Variants in RIMS2 observed in about 807,000 individuals in gnomAD.
RIMS2 encodes regulating synaptic membrane exocytosis 2.
A neutral mutation model predicts 174.4 loss-of-function variants in RIMS2; 59 were observed. The ratio of observed to expected loss-of-function variants is 0.34; its 90% confidence interval spans 0.27 to 0.42. RIMS2 has a LOEUF of 0.42. Ranked by LOEUF, RIMS2 falls within the 10% of genes least tolerant of loss-of-function variation. The pLI is 1.00. For synonymous variants in RIMS2, 606 were observed against 572.5 expected (o/e 1.06, Z -0.84); for missense variants, 1,620 against 1,666.3 (o/e 0.97, Z 0.48).
intron 3 of RIMS2, chr8:103,819,490 G>GAA: frequency 6.3e-7 from 1 of 1,598,048 alleles, no homozygotes; most frequent in Non-Finnish European, 8.5e-7. Context: ...AAGAGAAGGG[G>GAA]AAAAAAAAAG....
intron 19 of RIMS2, among the ~76,000 whole-genome samples, chr8:104,242,777 T>C (rs562101734): frequency 3.3e-5 from 5 of 152,248 alleles, no homozygotes; most frequent in Non-Finnish European, 7.3e-5. Flanking sequence ...TGACAAGTGA[T>C]GCTTTGTATT....
chr8:103,744,643 G>A (rs1490802168), intron 2 of RIMS2, among the ~76,000 whole-genome samples: 2 of 152,138 alleles, frequency 1.3e-5, no homozygotes, highest in African/African-American at 4.8e-5. Context: ...CATAACAATT[G>A]CATCCTGTGC....
intron 16 of RIMS2, among the ~76,000 whole-genome samples, chr8:103,978,259 C>T (rs1023372938): frequency 7.5e-5 from 10 of 133,122 alleles, no homozygotes; most frequent in African/African-American, 2.2e-4. Flanking sequence ...AGATCAGATT[C>T]TCTTTCATAT....
chr8:103,987,756 A>G (rs1329037381), intron 16 of RIMS2, among the ~76,000 whole-genome samples: 1 of 152,228 alleles, frequency 6.6e-6, no homozygotes, highest in Non-Finnish European at 1.5e-5. Context: ...TAAAACTAAT[A>G]TAGGAGTTCT....
At chr8:103,508,785 G>A (rs3098207) in intron 1 of RIMS2, among the ~76,000 whole-genome samples, 2 of 152,052 alleles carry the variant, frequency 1.3e-5, no homozygotes, top group African/African-American at 2.4e-5. Flanking sequence ...AAATGATGAA[G>A]ACATGAAATA....
chr8:103,644,842 A>C (rs1243582905), intron 1 of RIMS2, among the ~76,000 whole-genome samples: 4 of 151,892 alleles, frequency 2.6e-5, no homozygotes, highest in African/African-American at 9.7e-5. Context: ...AAGATTTTGA[A>C]ATTGGAAACT....
rs79165922 is a variant in RIMS2, at chr8:103,905,530, G to A, written c.1625-4604G>A. ...TTAAGATATTTCGTTTTTAGTTTTAGTTTGATTATGGTGTATCTTGTAACA... is the reference window on the plus strand; with the variant it reads ...TTAAGATATTTCGTTTTTAGTTTTAATTTGATTATGGTGTATCTTGTAACA... On this transcript the variant is annotated intron_variant, in intron 4 of 23. Coordinates refer to ENST00000504942, the Ensembl canonical transcript of RIMS2. Among the ~76,000 whole-genome samples, 69 of 152,008 alleles carry A rather than the reference G, an allele frequency of 4.5e-4. No homozygotes were observed. The East Asian group carries it at 0.013, about 29-fold the overall frequency.
intron 19 of RIMS2, among the ~76,000 whole-genome samples, chr8:104,119,592 A>G (rs373246015): frequency 5.9e-5 from 9 of 152,326 alleles, no homozygotes; most frequent in African/African-American, 2.2e-4. Flanking sequence ...TAAGTCAAAA[A>G]TATGGTATTT....
chr8:103,812,135 A>G (rs2098691341), intron 3 of RIMS2, among the ~76,000 whole-genome samples: 1 of 152,166 alleles, frequency 6.6e-6, no homozygotes, highest in African/African-American at 2.4e-5. Flanking sequence ...TTTAAAACTT[A>G]TGAAAACTGA....
chr8:103,713,290 T>C (rs1384434992), intron 2 of RIMS2, among the ~76,000 whole-genome samples: 2 of 152,100 alleles, frequency 1.3e-5, no homozygotes, highest in Non-Finnish European at 2.9e-5. Flanking sequence ...AAGTTCTGGG[T>C]TTACAGGCAT....
intron 19 of RIMS2, among the ~76,000 whole-genome samples, chr8:104,159,444 C>T (rs2034305): frequency 0.8 from 121,155 of 152,104 alleles, 49,092 homozygotes; most frequent in East Asian, 1. Context: ...AAGTCAGTGG[C>T]AGCTTGATGG....
At chr8:103,569,672 G>A (rs1212430199) in intron 1 of RIMS2, among the ~76,000 whole-genome samples, 1 of 151,672 alleles carries the variant, frequency 6.6e-6, no homozygotes, top group Admixed American at 6.6e-5. Flanking sequence ...CTAGAATATA[G>A]TGGTGTTGAT....
intron 2 of RIMS2, among the ~76,000 whole-genome samples, chr8:103,707,886 G>A (rs796733347): frequency 4.6e-5 from 7 of 152,202 alleles, no homozygotes; most frequent in Non-Finnish European, 1.0e-4. Context: ...CCTAGGGTGC[G>A]TCTAGAAGGA....
intron 19 of RIMS2, among the ~76,000 whole-genome samples, chr8:104,097,818 C>T (rs2097788834): frequency 1.3e-5 from 2 of 152,126 alleles, no homozygotes; most frequent in African/African-American, 4.8e-5. Flanking sequence ...GAAGCATGGT[C>T]CAAAAGTAAT....
intron 19 of RIMS2, among the ~76,000 whole-genome samples, chr8:104,232,743 C>T (rs566427307): frequency 6.6e-6 from 1 of 152,314 alleles, no homozygotes; most frequent in Non-Finnish European, 1.5e-5. Flanking sequence ...GTCTCTGCTT[C>T]TTTGCTTTAT....
intron 19 of RIMS2, among the ~76,000 whole-genome samples, chr8:104,112,620 G>A (rs897263012): frequency 2.0e-5 from 3 of 152,082 alleles, no homozygotes; most frequent in African/African-American, 7.2e-5. Flanking sequence ...TTAGAATTTA[G>A]GTTCAATCTG....
At chr8:103,819,479 TAAGAG>T (rs1177306443) in intron 3 of RIMS2, 2 of 1,609,024 alleles carry the variant, frequency 1.2e-6, no homozygotes, top group Non-Finnish European at 1.7e-6. Context: ...TAGGGAAAAA[TAAGAG>T]AAGGGGAAAA....
intron 3 of RIMS2, among the ~76,000 whole-genome samples, chr8:103,875,947 A>T (rs1402868598): frequency 6.6e-6 from 1 of 151,564 alleles, no homozygotes; most frequent in Non-Finnish European, 1.5e-5. Context: ...GTCTACTTTT[A>T]GTGGGATTAT....
At chr8:103,776,840 G>A (rs1409234921) in intron 3 of RIMS2, among the ~76,000 whole-genome samples, 4 of 152,136 alleles carry the variant, frequency 2.6e-5, no homozygotes, top group Admixed American at 2.6e-4. Context: ...TGTGAAGCAT[G>A]ACTTTTCCTT....
Sources: gnomAD v4.1 joint callset for allele counts (sites outside exome capture counted in the v4.1 genomes callset) on GRCh38, gnomAD v4.1.1 for gene constraint, MANE v1.5 for transcripts, NCBI Gene and HGNC (gene_info 2026-07-23, HGNC 2026-07-21) for gene names.